Variants in AUTS2 observed in about 807,000 individuals in gnomAD.
The protein encoded by AUTS2 is activator of transcription and developmental regulator AUTS2.
AUTS2 carries 17 observed loss-of-function variants against 112.4 expected under a neutral mutation model. That is an observed-to-expected ratio of 0.15 (90% CI 0.10 to 0.23). AUTS2 has a LOEUF of 0.23. Ranked by LOEUF, AUTS2 falls within the 10% of genes least tolerant of loss-of-function variation. AUTS2 has a pLI of 1.00. For missense variants in AUTS2, 1,510 were observed against 1,701.6 expected, an observed-to-expected ratio of 0.89 and a Z score of 1.98; for synonymous variants, 751 against 702.7, an observed-to-expected ratio of 1.07 and a Z score of -1.09.
chr7:70,006,674 T>G (rs549296516), intron 2 of AUTS2, among the ~76,000 whole-genome samples: 1 of 152,280 alleles, frequency 6.6e-6, no homozygotes, highest in South Asian at 2.1e-4. Flanking sequence ...TAAAGAAGTT[T>G]GCGGTGTGGT....
intron 1 of AUTS2, among the ~76,000 whole-genome samples, chr7:69,620,898 G>A (rs138239491): frequency 6.6e-6 from 1 of 152,170 alleles, no homozygotes; most frequent in Non-Finnish European, 1.5e-5. Flanking sequence ...TGAATCCACA[G>A]GTTTGGGAAT....
intron 2 of AUTS2, among the ~76,000 whole-genome samples, chr7:69,920,942 T>C (rs1440530660): frequency 6.6e-6 from 1 of 152,182 alleles, no homozygotes; most frequent in Admixed American, 6.5e-5. Context: ...CTTGGAAAAG[T>C]TGGTGAATGA....
intron 1 of AUTS2, among the ~76,000 whole-genome samples, chr7:69,768,229 C>T (rs949478396): frequency 6.6e-6 from 1 of 152,214 alleles, no homozygotes; most frequent in Non-Finnish European, 1.5e-5. Context: ...CACTCACTCT[C>T]TCAGACTCTC....
chr7:70,577,222 C>T (rs1563052595), intron 5 of AUTS2, among the ~76,000 whole-genome samples: 1 of 152,196 alleles, frequency 6.6e-6, no homozygotes, highest in Non-Finnish European at 1.5e-5. Context: ...TTGCAACCCC[C>T]ATGAACTGTG....
intron 1 of AUTS2, among the ~76,000 whole-genome samples, chr7:69,866,075 TC>T (rs1562937077): frequency 6.6e-6 from 1 of 152,180 alleles, no homozygotes; most frequent in South Asian, 2.1e-4. Context: ...GTCCAGATCT[TC>T]CTTACACATC....
chr7:70,177,666 TG>T (rs1172207675), intron 4 of AUTS2, among the ~76,000 whole-genome samples: 1 of 152,214 alleles, frequency 6.6e-6, no homozygotes, highest in Non-Finnish European at 1.5e-5. Flanking sequence ...ATTCAGGTTC[TG>T]GCTAGGGGTT....
intron 4 of AUTS2, among the ~76,000 whole-genome samples, chr7:70,373,346 A>T (rs1003218794): frequency 6.6e-6 from 1 of 152,128 alleles, no homozygotes; most frequent in Admixed American, 6.5e-5. Flanking sequence ...GATTAAATTG[A>T]ATTGGGTTTA....
At chr7:69,838,951 C>T (rs1791847008) in intron 1 of AUTS2, among the ~76,000 whole-genome samples, 1 of 152,134 alleles carries the variant, frequency 6.6e-6, no homozygotes, top group Admixed American at 6.6e-5. Context: ...TCTTTTGGGT[C>T]ACAATTAAAA....
chr7:70,596,940 G>A (rs563651177), intron 5 of AUTS2: 1 of 152,348 alleles, frequency 6.6e-6, no homozygotes, highest in African/African-American at 2.4e-5. Flanking sequence ...GTAATAAATG[G>A]AAGTCTATTG....
At chr7:70,195,331 T>C (rs1457555939) in intron 4 of AUTS2, among the ~76,000 whole-genome samples, 1 of 152,094 alleles carries the variant, frequency 6.6e-6, no homozygotes, top group Non-Finnish European at 1.5e-5. Context: ...CAAATCAGAA[T>C]AGGGAGTGAG....
At chr7:70,576,167 A>G (rs963567935) in intron 5 of AUTS2, among the ~76,000 whole-genome samples, 2 of 152,114 alleles carry the variant, frequency 1.3e-5, no homozygotes, top group African/African-American at 4.8e-5. Context: ...TGGCCTAATC[A>G]CCAACACCAG....
intron 2 of AUTS2, among the ~76,000 whole-genome samples, chr7:70,072,748 C>T (rs1802834817): frequency 6.6e-6 from 1 of 152,126 alleles, no homozygotes; most frequent in Non-Finnish European, 1.5e-5. Flanking sequence ...CTTTATGAAG[C>T]ATTCTTTTTA....
chr7:70,287,144 G>T (rs1346938068), intron 4 of AUTS2, among the ~76,000 whole-genome samples: 2 of 152,108 alleles, frequency 1.3e-5, no homozygotes, highest in Non-Finnish European at 2.9e-5. Context: ...TTCTGGTTTT[G>T]CTCCTTATGA....
intron 1 of AUTS2, among the ~76,000 whole-genome samples, chr7:69,819,406 A>G (rs1369263169): frequency 2.0e-5 from 3 of 152,222 alleles, no homozygotes; most frequent in Non-Finnish European, 1.5e-5. Context: ...GTTGTCTTCT[A>G]TCTTCAGCAG....
intron 4 of AUTS2, among the ~76,000 whole-genome samples, chr7:70,248,417 C>T (rs1813042279): frequency 6.6e-6 from 1 of 152,142 alleles, no homozygotes; most frequent in Admixed American, 6.5e-5. Context: ...AGCCACCGTG[C>T]CCAGCCATGT....
At chr7:70,761,585 C>G (rs890083755) in intron 6 of AUTS2, among the ~76,000 whole-genome samples, 1 of 152,136 alleles carries the variant, frequency 6.6e-6, no homozygotes, top group African/African-American at 2.4e-5. Flanking sequence ...GTACTTACTC[C>G]CAAATGGGGC....
intron 2 of AUTS2, among the ~76,000 whole-genome samples, chr7:70,084,056 C>CA (rs879926164): frequency 1.1e-4 from 16 of 151,370 alleles, no homozygotes; most frequent in Admixed American, 1.3e-4. Flanking sequence ...TATTCCCTGG[C>CA]AAAAAAACAA....
At chr7:69,822,594 C>T (rs1041200270) in intron 1 of AUTS2, among the ~76,000 whole-genome samples, 18 of 152,122 alleles carry the variant, frequency 1.2e-4, no homozygotes, top group Non-Finnish European at 2.5e-4. Context: ...GTGTTGACTG[C>T]TGGGAGGTGT....
intron 5 of AUTS2, among the ~76,000 whole-genome samples, chr7:70,527,281 A>G (rs1799879811): frequency 6.6e-6 from 1 of 152,220 alleles, no homozygotes; most frequent in African/African-American, 2.4e-5. Flanking sequence ...TGGAAGTTAA[A>G]ATTCCAGTTT....
Sources: allele counts gnomAD v4.1 joint callset (sites outside exome capture counted in the v4.1 genomes callset), GRCh38; gene constraint gnomAD v4.1.1; transcripts MANE v1.5; gene names NCBI Gene and HGNC (gene_info 2026-07-23, HGNC 2026-07-21).